The following HOXB3 variants were observed in gnomAD, a reference collection of about 807,000 sequenced individuals.
HOXB3 encodes the protein homeobox protein Hox-B3.
A neutral mutation model predicts 29.2 loss-of-function variants in HOXB3; 17 were observed. That is an observed-to-expected ratio of 0.58 (90% confidence interval 0.40 to 0.87). The LOEUF is 0.87. HOXB3 is among the 40% of genes least tolerant of loss of function. The probability of loss-of-function intolerance (pLI) is 0.00; values close to 1 mark genes in which losing one functional copy is unlikely to be tolerated. For synonymous variants in HOXB3, 317 were observed against 285.9 expected (o/e 1.11, Z -1.10); for missense variants, 637 against 616.3 (o/e 1.03, Z -0.35).
rs1238249098 is a variant in HOXB3 at position 48,564,245 on chromosome 17, G to GGCGGGCGGCCGGGCGCTGGGT, written c.-246-8648_-246-8628dup. On this transcript the variant is annotated intron_variant, in intron 2 of 4. Coordinates refer to ENST00000498678, the MANE Select transcript of HOXB3 (RefSeq NM_001384749.1). The stretch of plus-strand genomic sequence containing the variant: ...GGTCTTCCGCTAGGGCGCGGGCAAC[G>GGCGGGCGGCCGGGCGCTGGGT]GCGGGCGGCCGGGCGCTGGGTGCGC... 5.9e-5 allele frequency among the ~76,000 whole-genome samples: 9 copies of GGCGGGCGGCCGGGCGCTGGGT among 151,784 alleles called. No individual in the cohort carries two copies. The East Asian group carries it at 1.7e-3, about 29-fold the overall frequency.
chr17:48,568,194 G>C (rs2740759), intron 2 of HOXB3, among the ~76,000 whole-genome samples: 5,021 of 152,250 alleles, frequency 0.033, 136 homozygotes, highest in African/African-American at 0.08. Context: ...TCCAGGGCTG[G>C]AGTTGGAGAA....
chr17:48,551,982 T>C, intron 4 of HOXB3, 45 bp downstream of exon 4: 1 of 1,511,280 alleles, frequency 6.6e-7, no homozygotes, highest in Non-Finnish European at 8.9e-7. Flanking sequence ...GTGACATTCC[T>C]GGCTCCGACA....
rs1482519862 is a variant in HOXB3, at chr17:48,552,257, C to A, written c.218G>T (p.Cys73Phe). ...HAKSKELNGS[C>F]MRPGLAPEPL... The stretch of plus-strand genomic sequence containing the variant: ...CTCGGGGGCCAGACCCGGCCTCATG[C>A]AGCTGCCGTTGAGCTCCTTGCTCTT... Residue 73 changes from cysteine (C) to phenylalanine (F), a missense_variant, in exon 4 of 5, where the codon TGC (cysteine) becomes TTC (phenylalanine). Physicochemically the swap from Cys to Phe is radical, Grantham distance 205 (BLOSUM62 -2). Coordinates refer to ENST00000498678, the MANE Select transcript of HOXB3 (RefSeq NM_001384749.1). 2 of 1,613,478 alleles carry A rather than the reference C, an allele frequency of 1.2e-6. No individual in the cohort carries two copies. Among genetic ancestry groups the A allele is most frequent in the Admixed American group, 1.7e-5 (1 of 59,990 alleles).
intron 3 of HOXB3, chr17:48,553,720 A>G (rs911698571): frequency 6.6e-6 from 1 of 151,670 alleles, no homozygotes; most frequent in Non-Finnish European, 1.5e-5. Flanking sequence ...AAAAATCACT[A>G]TTTTAATACA....
At chr17:48,556,143 GTT>G (rs35527404) in intron 2 of HOXB3, among the ~76,000 whole-genome samples, 1 of 146,490 alleles carries the variant, frequency 6.8e-6, no homozygotes, top group African/African-American at 2.5e-5. Flanking sequence ...AAGAAGGAGG[GTT>G]TTTTTTTTTT....
chr17:48,555,565 A>G lies in HOXB3; in HGVS notation c.-193T>C. 1.4e-6 allele frequency: 1 copy of G among 702,706 alleles called. No individual in the cohort carries two copies. The highest frequency in any genetic ancestry group is 2.6e-6 in the Non-Finnish European group (1 of 384,814). 43.5% of individuals were successfully genotyped at this position (702,706 alleles called of 1,614,324 possible). Reference sequence around the variant, plus strand: ...CGACGAGGGGAGAACAGGCAGACATAATATATATTCACATCGAGCCCCAGA... The same window carrying G: ...CGACGAGGGGAGAACAGGCAGACATGATATATATTCACATCGAGCCCCAGA... On this transcript the variant is annotated 5_prime_UTR_variant, in exon 3 of 5. Transcript: ENST00000498678.
chr17:48,564,401 G>A (rs1217923063), intron 2 of HOXB3, among the ~76,000 whole-genome samples: 10 of 152,062 alleles, frequency 6.6e-5, no homozygotes, highest in Admixed American at 2.0e-4. Context: ...AGCTGGGGGA[G>A]AGGCCCGGAT....
intron 4 of HOXB3, 145 bp from the exon 5 acceptor site, chr17:48,551,326 C>T: frequency 4.0e-6 from 4 of 987,836 alleles, no homozygotes; most frequent in Non-Finnish European, 3.9e-6. Flanking sequence ...GTCCCCGCCG[C>T]CTCCTCACTC....
At chr17:48,583,305 G>A (rs766099456) in intron 1 of HOXB3, among the ~76,000 whole-genome samples, 7 of 151,974 alleles carry the variant, frequency 4.6e-5, no homozygotes, top group East Asian at 3.9e-4. Flanking sequence ...CCGAAGAATC[G>A]TTCTCATCAA....
At chr17:48,551,809 T>C (rs2068757583) in intron 4 of HOXB3, among the ~76,000 whole-genome samples, 1 of 152,256 alleles carries the variant, frequency 6.6e-6, no homozygotes, top group Non-Finnish European at 1.5e-5. Context: ...CTGGGCCTTC[T>C]GGAGCTTTCA....
chr17:48,578,272 C>A, intron 1 of HOXB3: 1 of 1,613,808 alleles, frequency 6.2e-7, no homozygotes, highest in Non-Finnish European at 8.5e-7. Context: ...ATGGAGGGAA[C>A]TTGGGGTCGA....
chr17:48,586,124 G>A (rs1320776111), intron 1 of HOXB3, among the ~76,000 whole-genome samples: 1 of 152,254 alleles, frequency 6.6e-6, no homozygotes, highest in African/African-American at 2.4e-5. Context: ...TGTTTCCGGG[G>A]AGGAGAAGCT....
intron 1 of HOXB3, among the ~76,000 whole-genome samples, chr17:48,577,424 C>T (rs192913436): frequency 4.6e-5 from 7 of 152,318 alleles, no homozygotes; most frequent in African/African-American, 1.7e-4. Context: ...AGTGCCTACC[C>T]CTACTGAAAA....
chr17:48,588,516 G>A (rs1356108509), intron 1 of HOXB3, among the ~76,000 whole-genome samples: 1 of 152,188 alleles, frequency 6.6e-6, no homozygotes, highest in African/African-American at 2.4e-5. Context: ...ATAGGAATGG[G>A]GTTCCCCTGG....
intron 2 of HOXB3, among the ~76,000 whole-genome samples, chr17:48,562,739 G>T (rs1268554675): frequency 1.3e-5 from 2 of 152,182 alleles, no homozygotes; most frequent in Non-Finnish European, 2.9e-5. Context: ...GTGGAAAAAT[G>T]CAAGTTTAGC....
chr17:48,574,106 C>T (rs2144868617), intron 1 of HOXB3, 92 bp from the exon 2 acceptor site: 1 of 536,676 alleles, frequency 1.9e-6, no homozygotes. Flanking sequence ...TTTCTTAGCT[C>T]TTGTCTACAC....
chr17:48,550,222 A>G lies in HOXB3; in HGVS notation c.*112T>C. 1 of 1,443,652 alleles carries G rather than the reference A, an allele frequency of 6.9e-7. No individual in the cohort carries two copies. The highest frequency in any genetic ancestry group is 2.0e-5 in the Admixed American group (1 of 49,196). 89.4% of individuals were successfully genotyped at this position (1,443,652 alleles called of 1,614,324 possible). On this transcript the variant is annotated 3_prime_UTR_variant, in exon 5 of 5. Transcript: ENST00000498678. ...AGCTCCAGGCCGGTTCTGACCAGGA[A>G]GCCTGGGTACCACCTTCTCTGGCTC...
rs1278310961 is a variant in HOXB3, at chr17:48,552,510, G to GA, written c.-37dup. ...GGCCTGGGCAGTGGGTGGCAACTTG[G>GA]AAAGGCCTGATACCCTCAGGACCGG... is the stretch of plus-strand genomic sequence containing the variant. On this transcript the variant is annotated 5_prime_UTR_variant, in exon 4 of 5. Transcript: ENST00000498678. The GA allele has an allele frequency of 6.0e-6, 9 of 1,512,240 alleles. No homozygotes were observed. The highest frequency in any genetic ancestry group is 7.2e-6 in the Non-Finnish European group (8 of 1,117,898). 93.7% of individuals were successfully genotyped at this position (1,512,240 alleles called of 1,614,324 possible).
chr17:48,553,408 C>T (rs1012379099), intron 3 of HOXB3: 2 of 151,968 alleles, frequency 1.3e-5, no homozygotes, highest in Admixed American at 6.5e-5. Context: ...TCCTGGGCCA[C>T]GCCAGTTGGT....
Sources: gnomAD v4.1 joint callset for allele counts (sites outside exome capture counted in the v4.1 genomes callset) on GRCh38, gnomAD v4.1.1 for gene constraint, MANE v1.5 for transcripts, NCBI Gene and HGNC (gene_info 2026-07-23, HGNC 2026-07-21) for gene names.